The following NAA25 variants were observed in gnomAD, a reference collection of about 807,000 sequenced individuals.
NAA25 encodes the protein N-terminal acetyltransferase B complex subunit NAA25.
In NAA25, 30 loss-of-function variants were observed where a neutral mutation model predicts 132.5. The observed-to-expected ratio is 0.23, with a 90% CI of 0.17 to 0.31. The LOEUF (loss-of-function observed/expected upper bound fraction) is 0.31, where lower values mean the gene tolerates loss of function less well. NAA25 is among the 10% of genes least tolerant of loss of function. NAA25 has a pLI of 1.00. For synonymous variants in NAA25, 359 were observed against 401.9 expected (o/e 0.89, Z 1.28); for missense variants, 771 against 1,150.4 (o/e 0.67, Z 4.77).
At chr12:112,095,518 T>C (rs2079199933) in intron 1 of NAA25, among the ~76,000 whole-genome samples, 1 of 149,696 alleles carries the variant, frequency 6.7e-6, no homozygotes, top group Non-Finnish European at 1.5e-5. Context: ...CTGCTTGAGC[T>C]TGGGAGGTAG....
intron 1 of NAA25, among the ~76,000 whole-genome samples, chr12:112,095,604 A>G (rs1005146363): frequency 6.6e-6 from 1 of 151,238 alleles, no homozygotes; most frequent in East Asian, 1.9e-4. Flanking sequence ...CAAAAAAAAA[A>G]CAAAAACAAA....
intron 11 of NAA25, among the ~76,000 whole-genome samples, chr12:112,064,818 T>A (rs1690269699): frequency 4.6e-5 from 7 of 151,712 alleles, no homozygotes; most frequent in Admixed American, 4.6e-4. Flanking sequence ...GTGGATCACT[T>A]GAGGTCGGGA....
intron 7 of NAA25, among the ~76,000 whole-genome samples, chr12:112,077,280 C>G (rs1333194953): frequency 2.6e-5 from 4 of 151,962 alleles, no homozygotes; most frequent in Non-Finnish European, 5.9e-5. Context: ...TGAAACCAGC[C>G]TGGCCAACAT....
intron 22 of NAA25, among the ~76,000 whole-genome samples, chr12:112,036,195 A>G (rs1307386928): frequency 6.6e-6 from 1 of 152,210 alleles, no homozygotes; most frequent in Non-Finnish European, 1.5e-5. Flanking sequence ...CTAAAACTGA[A>G]TACAAATGGA....
intron 4 of NAA25, among the ~76,000 whole-genome samples, chr12:112,086,247 G>A (rs963672434): frequency 3.3e-5 from 5 of 151,286 alleles, no homozygotes; most frequent in African/African-American, 1.2e-4. Flanking sequence ...TGTAATCCCA[G>A]CATTTTGGGA....
intron 22 of NAA25, among the ~76,000 whole-genome samples, chr12:112,035,681 CTT>C (rs11356583): frequency 1.1e-3 from 153 of 138,174 alleles, no homozygotes; most frequent in Admixed American, 2.0e-3. Context: ...CATCAACTTT[CTT>C]TTTTTTTTTT....
intron 1 of NAA25, among the ~76,000 whole-genome samples, chr12:112,105,136 A>G (rs1030979184): frequency 1.3e-5 from 2 of 151,758 alleles, no homozygotes; most frequent in Admixed American, 6.6e-5. Context: ...CCTGAACAAC[A>G]TGGTGAAATG....
intron 23 of NAA25, among the ~76,000 whole-genome samples, chr12:112,030,888 A>T (rs1221632961): frequency 6.6e-6 from 1 of 152,214 alleles, no homozygotes; most frequent in Non-Finnish European, 1.5e-5. Context: ...AATGAACAAG[A>T]TTGATCCACA....
At chr12:112,084,254 C>T (rs1235201504) in intron 4 of NAA25, among the ~76,000 whole-genome samples, 1 of 152,196 alleles carries the variant, frequency 6.6e-6, no homozygotes, top group Non-Finnish European at 1.5e-5. Context: ...AGTTTCCCTC[C>T]CTCCTACCTC....
At chr12:112,038,888 A>C (rs758425354) in intron 22 of NAA25, among the ~76,000 whole-genome samples, 6 of 152,222 alleles carry the variant, frequency 3.9e-5, no homozygotes, top group Non-Finnish European at 5.9e-5. Flanking sequence ...CTGAGGCAGG[A>C]GAATCACTCG....
chr12:112,062,116 G>A (rs1429267496), intron 11 of NAA25, among the ~76,000 whole-genome samples: 1 of 152,108 alleles, frequency 6.6e-6, no homozygotes, highest in Admixed American at 6.6e-5. Context: ...AAAAGAAGAG[G>A]CTGGGTGCAG....
At position 112,077,973 on chromosome 12, in the gene NAA25, C is replaced by G. The variant is rs117573161; in HGVS notation, c.664+215G>C. 2.6e-4 allele frequency among the ~76,000 whole-genome samples: 39 copies of G among 151,804 alleles called. 1 individual carries two copies. The South Asian group carries it at 7.3e-3, about 28-fold the overall frequency. On this transcript the variant is annotated intron_variant, in intron 7 of 23. Transcript: ENST00000261745. ...AGACGGCTAGAGATCTGGAGTATAA[C>G]CTTTCACACTCCTTGAAGTTTCTGA...
At chr12:112,035,059 A>G (rs2078205313) in intron 22 of NAA25, 1 of 152,222 alleles carries the variant, frequency 6.6e-6, no homozygotes, top group South Asian at 2.1e-4. Flanking sequence ...GGCAAGTTAC[A>G]GAACCTTCTG....
Position 112,081,132 on chromosome 12 carries a change from A to G in NAA25, c.405T>C (p.Ala135=), listed in dbSNP as rs772750406. ...GGACAATCTTATATAGAGCCATGCC[A>G]GCCTAAAAGAGAACCATAAATATTT... The part of the protein sequence containing the change: ...RVGEYKKMQQ[A]GMALYKIVPK... Residue 135 remains alanine (A), a splice_region_variant and synonymous_variant, in exon 5 of 24, where the codon GCT becomes GCC. Coordinates refer to ENST00000261745, the MANE Select transcript of NAA25 (RefSeq NM_024953.4). 64 of 1,610,332 alleles carry G rather than the reference A, an allele frequency of 4.0e-5. No homozygotes were observed. Among genetic ancestry groups the G allele is most frequent in the Middle Eastern group, 1.6e-4 (1 of 6,080 alleles).
Position 112,072,016 on chromosome 12 carries a change from A to G in NAA25, c.915T>C (p.Phe305=). 6.2e-7 allele frequency: 1 copy of G among 1,614,038 alleles called. No homozygotes were observed. The highest frequency in any genetic ancestry group is 1.1e-5 in the South Asian group (1 of 91,056). The change falls in exon 10 of 24, where the codon TTT becomes TTC. Residue 305 remains phenylalanine (F), a synonymous_variant. Transcript: ENST00000261745. The part of the protein sequence containing the change: ...VHYSAEKAVK[F]IEDRITEESK... ...ATTCTTCCGTTATCCGATCTTCTAT[A>G]AACTTCACAGCTTTTTCTGCAGAAT...
intron 7 of NAA25, 66 bp from the exon 8 acceptor site, chr12:112,075,855 C>G: frequency 8.0e-7 from 1 of 1,244,156 alleles, no homozygotes; most frequent in Non-Finnish European, 1.2e-6. Flanking sequence ...AGAATAGAGT[C>G]CAACCACAAG....
chr12:112,034,569 T>C (rs2078197772), intron 22 of NAA25: 1 of 152,270 alleles, frequency 6.6e-6, no homozygotes. Context: ...TAAGTTGCAG[T>C]GAGCCGAGAC....
At chr12:112,040,342 T>A in intron 21 of NAA25, 139 bp downstream of exon 21, 1 of 526,054 alleles carries the variant, frequency 1.9e-6, no homozygotes, top group Non-Finnish European at 3.4e-6. Flanking sequence ...ATGATTTAAA[T>A]TGCTTTTCAA....
chr12:112,034,920 C>A (rs1286661711), intron 22 of NAA25: 1 of 151,488 alleles, frequency 6.6e-6, no homozygotes, highest in Non-Finnish European at 1.5e-5. Flanking sequence ...TTAGAACCAA[C>A]AATTCATCAA....
Sources: gnomAD v4.1 joint callset for allele counts (sites outside exome capture counted in the v4.1 genomes callset) on GRCh38, gnomAD v4.1.1 for gene constraint, MANE v1.5 for transcripts, NCBI Gene and HGNC (gene_info 2026-07-23, HGNC 2026-07-21) for gene names.